OR3A2: variants seen among roughly 807,000 people sequenced by gnomAD.
OR3A2 encodes olfactory receptor 3A2.
For synonymous variants in OR3A2, 126 were observed against 159.3 expected, an observed-to-expected ratio of 0.79 and a Z score of 1.57; for missense variants, 318 against 392.8, an observed-to-expected ratio of 0.81 and a Z score of 1.61.
chr17:3,311,034 T>G lies in OR3A2; in HGVS notation c.-85+24999A>C. The G allele has an allele frequency of 1.8e-6, 1 of 546,802 alleles. No homozygotes were observed. The highest frequency in any genetic ancestry group is 3.7e-6 in the Non-Finnish European group (1 of 268,334). 33.9% of individuals were successfully genotyped at this position (546,802 alleles called of 1,614,324 possible). Reference sequence around the variant, plus strand: ...TGCAGAGGGCAGAAAGAAAGCCTTCTCCACGTGTAGTTCCCACCTCACTGT... The same window carrying G: ...TGCAGAGGGCAGAAAGAAAGCCTTCGCCACGTGTAGTTCCCACCTCACTGT... On this transcript the variant is annotated intron_variant, in intron 3 of 4. Coordinates refer to the OR3A2 transcript ENST00000573491. This position sits in a 1 kb window ranked among gnomAD's most constrained non-coding sequence, Gnocchi z 4.6.
chr17:3,313,057 T>C (rs1437767152), intron 3 of OR3A2, among the ~76,000 whole-genome samples: 4 of 152,236 alleles, frequency 2.6e-5, no homozygotes, highest in Admixed American at 2.0e-4. Flanking sequence ...ATTTGCAATT[T>C]ATCAATGAGT....
At chr17:3,349,460 T>C (rs945317313) in intron 2 of OR3A2, among the ~76,000 whole-genome samples, 2 of 151,874 alleles carry the variant, frequency 1.3e-5, no homozygotes, top group African/African-American at 4.8e-5. Flanking sequence ...GGTAAAGGGA[T>C]CAATTCAACA....
intron 2 of OR3A2, among the ~76,000 whole-genome samples, chr17:3,364,570 C>G (rs933456867): frequency 3.9e-5 from 6 of 152,270 alleles, no homozygotes; most frequent in Middle Eastern, 3.4e-3. Context: ...TATCACCTTA[C>G]TCATGTTAGA....
At chr17:3,337,396 G>C (rs576615858) in intron 2 of OR3A2, among the ~76,000 whole-genome samples, 1 of 152,072 alleles carries the variant, frequency 6.6e-6, no homozygotes, top group Non-Finnish European at 1.5e-5. Flanking sequence ...TTTACATTAG[G>C]TATATCTCCT....
chr17:3,323,744 C>T (rs1181053168), intron 3 of OR3A2, among the ~76,000 whole-genome samples: 1 of 152,096 alleles, frequency 6.6e-6, no homozygotes, highest in African/African-American at 2.4e-5. Context: ...GTCTGATGGG[C>T]TTCCCTTTGT....
intron 3 of OR3A2, among the ~76,000 whole-genome samples, chr17:3,333,099 T>A (rs1292269684): frequency 2.0e-5 from 3 of 152,196 alleles, no homozygotes; most frequent in African/African-American, 7.2e-5. Flanking sequence ...TAAATTCTTC[T>A]CCTAGCAAGG....
rs1460731127 is a variant in OR3A2 at position 3,284,351 on chromosome 17, C to G, written c.-7+7G>C. The G allele has an allele frequency of 6.6e-6, 1 of 152,188 alleles. No individual in the cohort carries two copies. Among genetic ancestry groups the G allele is most frequent in the Non-Finnish European group, 1.5e-5 (1 of 68,172 alleles). 9.4% of individuals were successfully genotyped at this position (152,188 alleles called of 1,614,324 possible). On this transcript the variant is annotated splice_region_variant and intron_variant, in intron 1 of 1. Coordinates refer to ENST00000642052, the Ensembl canonical transcript of OR3A2. Reference sequence around the variant, plus strand: ...GGAGCAGAGGAAGGACTCAGGAGAACACTCACCCTGGCAAGGGCACGGAAG... The same window carrying G: ...GGAGCAGAGGAAGGACTCAGGAGAAGACTCACCCTGGCAAGGGCACGGAAG...
chr17:3,374,458 A>G (rs994709210), intron 2 of OR3A2, among the ~76,000 whole-genome samples: 2 of 152,200 alleles, frequency 1.3e-5, no homozygotes, highest in Admixed American at 1.3e-4. Flanking sequence ...GTTGTTTAAC[A>G]TAATCCCAAA....
chr17:3,325,203 A>ATTT (rs61124691), intron 3 of OR3A2, among the ~76,000 whole-genome samples: 2,235 of 108,488 alleles, frequency 0.021, 52 homozygotes, highest in East Asian at 0.04. Context: ...GATCCTTCCA[A>ATTT]TTTTTTTTTT....
intron 3 of OR3A2, among the ~76,000 whole-genome samples, chr17:3,316,457 C>G (rs541101414): frequency 6.6e-6 from 1 of 152,242 alleles, no homozygotes; most frequent in Non-Finnish European, 1.5e-5. Context: ...CCACATCCAT[C>G]CTACCATCTG....
At chr17:3,312,947 A>G (rs552781450) in intron 3 of OR3A2, among the ~76,000 whole-genome samples, 4 of 152,278 alleles carry the variant, frequency 2.6e-5, no homozygotes, top group African/African-American at 9.6e-5. Flanking sequence ...TCAATGGCAA[A>G]ATACACTGAT....
At chr17:3,301,607 A>T (rs1004277653) in intron 3 of OR3A2, among the ~76,000 whole-genome samples, 1 of 152,052 alleles carries the variant, frequency 6.6e-6, no homozygotes, top group Non-Finnish European at 1.5e-5. Flanking sequence ...TTGTCAGATG[A>T]GTAGATTGCA....
At chr17:3,282,274 T>C (rs111700251) in intron 1 of OR3A2, among the ~76,000 whole-genome samples, 30,320 of 151,946 alleles carry the variant, frequency 0.2, 4,027 homozygotes, top group African/African-American at 0.36. Flanking sequence ...GGTGTGGTGG[T>C]GGGCACCTGT....
upstream of OR3A2, chr17:3,284,502 G>C (rs1567541560): frequency 6.6e-6 from 1 of 150,502 alleles, no homozygotes; most frequent in Non-Finnish European, 1.5e-5. Flanking sequence ...TCTGTACAGG[G>C]CTGTGTTCAC....
chr17:3,292,148 C>A (rs772770547), intron 3 of OR3A2: 1 of 1,614,116 alleles, frequency 6.2e-7, no homozygotes, highest in East Asian at 2.2e-5. Context: ...CCACCAACAT[C>A]CTCTGGACTG....
chr17:3,348,254 A>C (rs889494955), intron 2 of OR3A2, among the ~76,000 whole-genome samples: 1 of 152,000 alleles, frequency 6.6e-6, no homozygotes, highest in Non-Finnish European at 1.5e-5. Flanking sequence ...GTTTAATTAG[A>C]TCCCATTTAT....
chr17:3,292,610 G>A (rs757719153), intron 3 of OR3A2: 13 of 1,536,362 alleles, frequency 8.5e-6, no homozygotes, highest in Middle Eastern at 1.8e-4. Flanking sequence ...CATCCAGGGA[G>A]GAAAAGAATC....
At chr17:3,334,471 G>A (rs1195548393) in intron 3 of OR3A2, among the ~76,000 whole-genome samples, 1 of 152,126 alleles carries the variant, frequency 6.6e-6, no homozygotes, top group Non-Finnish European at 1.5e-5. Flanking sequence ...GCAAATGACA[G>A]AATTTCGTTC....
intron 2 of OR3A2, among the ~76,000 whole-genome samples, chr17:3,343,812 G>C (rs767968059): frequency 6.6e-6 from 1 of 152,028 alleles, no homozygotes; most frequent in Non-Finnish European, 1.5e-5. Context: ...ACCCCTCCCT[G>C]ACGTAGCCCA....
Sources: gnomAD v4.1 joint callset for allele counts (sites outside exome capture counted in the v4.1 genomes callset) on GRCh38, gnomAD v4.1.1 for gene constraint, Gnocchi (gnomAD v3.1) non-coding constraint, MANE v1.5 for transcripts, NCBI Gene and HGNC (gene_info 2026-07-23, HGNC 2026-07-21) for gene names.